Variants in TMEM132B observed in about 807,000 individuals in gnomAD.
The protein encoded by TMEM132B is transmembrane protein 132B.
TMEM132B carries 18 observed loss-of-function variants against 90.8 expected under a neutral mutation model. The observed-to-expected ratio is 0.20, with a 90% CI of 0.14 to 0.29. The LOEUF is 0.29. Ranked by LOEUF, TMEM132B falls within the 10% of genes least tolerant of loss-of-function variation. The pLI is 1.00. For missense variants in TMEM132B, 1,096 were observed against 1,326.8 expected, an observed-to-expected ratio of 0.83 and a Z score of 2.70; for synonymous variants, 504 against 523.3, an observed-to-expected ratio of 0.96 and a Z score of 0.50.
intron 4 of TMEM132B, among the ~76,000 whole-genome samples, chr12:125,528,354 G>A (rs1883550156): frequency 6.6e-6 from 1 of 152,166 alleles, no homozygotes; most frequent in African/African-American, 2.4e-5. Flanking sequence ...CTTTCAAAAA[G>A]ATTGGAATAA....
rs1887060236 is a variant in TMEM132B, at chr12:125,656,324, A to G, written c.*1614A>G. The G allele has an allele frequency of 6.6e-6, 1 of 152,220 alleles. No individual in the cohort carries two copies. The highest frequency in any genetic ancestry group is 2.4e-5 in the African/African-American group (1 of 41,466). The allele number at this position is 152,220 out of a possible 1,614,324, so 9.4% of individuals were successfully genotyped here. A position where few individuals can be genotyped will look rare whatever the true frequency, so the allele number is the denominator to read the frequency against. ...CACCTGAAGCAGTGCCCTGACTCCA[A>G]ATGGCTGATAACTGAGCTAATCCAA... On this transcript the variant is annotated 3_prime_UTR_variant, in exon 9 of 9. Transcript: ENST00000682704.
intron 2 of TMEM132B, among the ~76,000 whole-genome samples, chr12:125,359,798 GGCCAGGT>G (rs1361417284): frequency 6.6e-6 from 1 of 152,178 alleles, no homozygotes; most frequent in Non-Finnish European, 1.5e-5. Context: ...AACAAAACAA[GGCCAGGT>G]GCAGTGGTTC....
At chr12:125,601,058 C>G (rs150136329) in intron 5 of TMEM132B, among the ~76,000 whole-genome samples, 1 of 152,088 alleles carries the variant, frequency 6.6e-6, no homozygotes, top group African/African-American at 2.4e-5. Context: ...AACAGATCAA[C>G]GAGACAGAAA....
intron 3 of TMEM132B, among the ~76,000 whole-genome samples, chr12:125,472,726 A>G (rs760460853): frequency 2.6e-5 from 4 of 152,150 alleles, no homozygotes; most frequent in Non-Finnish European, 5.9e-5. Context: ...CCCTTCTGCC[A>G]TGTAAGGAGG....
intron 6 of TMEM132B, among the ~76,000 whole-genome samples, chr12:125,650,359 T>G (rs1233299569): frequency 6.6e-6 from 1 of 152,166 alleles, no homozygotes; most frequent in Non-Finnish European, 1.5e-5. Context: ...GACTCATATC[T>G]TAGGTTCCTC....
intron 3 of TMEM132B, among the ~76,000 whole-genome samples, chr12:125,516,882 C>G (rs1883174717): frequency 1.3e-5 from 2 of 152,194 alleles, no homozygotes. Context: ...CCAAGCATCT[C>G]TCGTAGGAGG....
At chr12:125,616,704 T>A (rs759379355) in intron 5 of TMEM132B, among the ~76,000 whole-genome samples, 15 of 152,208 alleles carry the variant, frequency 9.9e-5, no homozygotes, top group Non-Finnish European at 1.9e-4. Flanking sequence ...GGTAACACTT[T>A]TCTGTTATGA....
At chr12:125,555,721 AAT>A (rs1007000126) in intron 4 of TMEM132B, among the ~76,000 whole-genome samples, 66 of 150,524 alleles carry the variant, frequency 4.4e-4, no homozygotes, top group Non-Finnish European at 8.3e-4. Context: ...AGTAAAAAAA[AAT>A]ATATATATAT....
At chr12:125,501,331 G>A (rs117539612) in intron 3 of TMEM132B, among the ~76,000 whole-genome samples, 3,063 of 152,076 alleles carry the variant, frequency 0.02, 45 homozygotes, top group Non-Finnish European at 0.029. Context: ...AAATTATGTC[G>A]TTTACTTGAA....
chr12:125,617,376 A>C (rs1593024768), intron 5 of TMEM132B, among the ~76,000 whole-genome samples: 4 of 122,610 alleles, frequency 3.3e-5, no homozygotes, highest in East Asian at 2.3e-4. Context: ...ACGGAATTTC[A>C]CTCTTATTGC....
intron 4 of TMEM132B, among the ~76,000 whole-genome samples, chr12:125,571,782 T>C (rs1884802171): frequency 6.6e-6 from 1 of 152,216 alleles, no homozygotes; most frequent in African/African-American, 2.4e-5. Flanking sequence ...TTTCTGTAAA[T>C]AGGTTTGTGT....
chr12:125,633,967 A>C (rs1441868115), intron 5 of TMEM132B, among the ~76,000 whole-genome samples: 2 of 152,128 alleles, frequency 1.3e-5, no homozygotes, highest in Non-Finnish European at 2.9e-5. Context: ...GGGGCTCTAC[A>C]ATCAGCAGGT....
At chr12:125,355,979 ATC>A (rs1015772592) in intron 2 of TMEM132B, among the ~76,000 whole-genome samples, 28 of 152,150 alleles carry the variant, frequency 1.8e-4, no homozygotes, top group African/African-American at 6.5e-4. Context: ...GCAAAGGGTC[ATC>A]AAGTGGGGTT....
rs1055202459 is a variant in TMEM132B at position 125,492,324 on chromosome 12, C to T, written c.1107-27115C>T. On this transcript the variant is annotated intron_variant, in intron 3 of 8. Coordinates refer to ENST00000682704, the MANE Select transcript of TMEM132B (RefSeq NM_001366854.1). This position sits in a 1 kb window ranked among gnomAD's most constrained non-coding sequence, Gnocchi z 5.8. ...CTCACCATTCCTTAGCGGGCTCTCG[C>T]GTGTCCTCCAAACACTGCTGCATGC... Among the ~76,000 whole-genome samples the T allele has an allele frequency of 2.0e-5, 3 of 152,220 alleles. No homozygotes were observed. The highest frequency in any genetic ancestry group is 1.9e-4 in the East Asian group (1 of 5,194).
intron 2 of TMEM132B, among the ~76,000 whole-genome samples, chr12:125,384,975 C>G (rs902793453): frequency 6.6e-6 from 1 of 152,132 alleles, no homozygotes; most frequent in Non-Finnish European, 1.5e-5. Flanking sequence ...TGATCAACAC[C>G]TCTCCTTTCC....
chr12:125,560,025 G>T (rs1884481653), intron 4 of TMEM132B, among the ~76,000 whole-genome samples: 1 of 152,216 alleles, frequency 6.6e-6, no homozygotes, highest in African/African-American at 2.4e-5. Context: ...CTTAATGCAA[G>T]GAAGTCACTA....
chr12:125,281,168 CA>C (rs1444824510), intron 1 of TMEM132B, among the ~76,000 whole-genome samples: 1 of 152,118 alleles, frequency 6.6e-6, no homozygotes, highest in Non-Finnish European at 1.5e-5. Flanking sequence ...TTCCAGCACC[CA>C]GGGGAGGGAG....
chr12:125,294,964 G>A (rs1444614052), intron 1 of TMEM132B, among the ~76,000 whole-genome samples: 1 of 152,182 alleles, frequency 6.6e-6, no homozygotes, highest in Non-Finnish European at 1.5e-5. Flanking sequence ...AAAAATGCAG[G>A]AAGCATGTAC....
chr12:125,248,688 G>A (rs1223635094), intron 1 of TMEM132B, among the ~76,000 whole-genome samples: 3 of 152,216 alleles, frequency 2.0e-5, no homozygotes, highest in Non-Finnish European at 4.4e-5. Context: ...GTTGGCTTAT[G>A]CTTTAGGCTA....
Sources: allele counts gnomAD v4.1 joint callset (sites outside exome capture counted in the v4.1 genomes callset), GRCh38; gene constraint gnomAD v4.1.1; non-coding constraint Gnocchi (gnomAD v3.1); transcripts MANE v1.5; gene names NCBI Gene and HGNC (gene_info 2026-07-23, HGNC 2026-07-21).